The following CPPED1 variants were observed in gnomAD, a reference collection of about 807,000 sequenced individuals.
CPPED1 encodes calcineurin like phosphoesterase domain containing 1.
Under a neutral mutation model 28.0 loss-of-function variants are expected in CPPED1, and 28 were observed. The observed-to-expected ratio is 1.00, with a 90% confidence interval of 0.74 to 1.37. CPPED1 has a LOEUF of 1.37. Among genes scored for constraint, CPPED1 ranks in the 40% most tolerant of loss-of-function variants. The pLI is 0.00. For missense variants in CPPED1, 504 were observed against 416.5 expected (o/e 1.21, Z -1.83); for synonymous variants, 198 against 180.2 (o/e 1.10, Z -0.79).
intron 2 of CPPED1, among the ~76,000 whole-genome samples, chr16:12,724,621 A>G (rs1188146192): frequency 6.6e-6 from 1 of 152,148 alleles, no homozygotes; most frequent in Non-Finnish European, 1.5e-5. Context: ...TATCTTATGC[A>G]AGAGATCCTT....
At chr16:12,717,714 T>C (rs1022421904) in intron 2 of CPPED1, among the ~76,000 whole-genome samples, 1 of 152,092 alleles carries the variant, frequency 6.6e-6, no homozygotes, top group Non-Finnish European at 1.5e-5. Flanking sequence ...AAATCTTGGC[T>C]CCCTACAACC....
intron 3 of CPPED1, among the ~76,000 whole-genome samples, chr16:12,703,012 C>CAAA (rs11385568): frequency 3.3e-5 from 4 of 122,126 alleles, no homozygotes; most frequent in Admixed American, 8.3e-5. Context: ...GACTCCGTCT[C>CAAA]AAAAAAAAAA....
intron 2 of CPPED1, among the ~76,000 whole-genome samples, chr16:12,749,748 T>C (rs2865632): frequency 0.75 from 113,564 of 152,082 alleles, 42,839 homozygotes; most frequent in Admixed American, 0.85. Context: ...CCACCATACC[T>C]GGCTAATTTT....
intron 2 of CPPED1, among the ~76,000 whole-genome samples, chr16:12,746,896 G>T (rs2080292444): frequency 2.0e-5 from 3 of 151,894 alleles, no homozygotes; most frequent in Non-Finnish European, 2.9e-5. Context: ...ACAATAAAGG[G>T]TTATAGCTAA....
In CPPED1 at chr16:12,733,719, A is replaced by G. The variant is rs558744968; in HGVS notation, c.290-28670T>C. ...AGTAAGATCTAGAAACATCAACACA[A>G]GCATGTTGTTTAGAACAATGGAAGT... On this transcript the variant is annotated intron_variant, in intron 2 of 3. Coordinates refer to ENST00000381774, the MANE Select transcript of CPPED1 (RefSeq NM_018340.3). Among the ~76,000 whole-genome samples the G allele has an allele frequency of 2.6e-5, 4 of 152,306 alleles. No homozygotes were observed. In the South Asian group the frequency reaches 8.3e-4, roughly 32 times the overall value.
intron 3 of CPPED1, among the ~76,000 whole-genome samples, chr16:12,669,603 T>C (rs1713476): frequency 0.91 from 138,146 of 152,236 alleles, 63,279 homozygotes; most frequent in Non-Finnish European, 0.95. Flanking sequence ...AGCTTAATAT[T>C]GCTGTGGTTT....
At chr16:12,766,294 A>AAG (rs769793209) in intron 2 of CPPED1, among the ~76,000 whole-genome samples, 10 of 135,582 alleles carry the variant, frequency 7.4e-5, no homozygotes, top group South Asian at 2.2e-4. Flanking sequence ...GAGAGAGAGA[A>AAG]AGAGAGAGAG....
Position 12,679,950 on chromosome 16 carries a change from G to A in CPPED1, c.716-14835C>T, listed in dbSNP as rs1596443057. 3.9e-5 allele frequency among the ~76,000 whole-genome samples: 6 copies of A among 152,246 alleles called. 1 individual carries two copies. In the South Asian group the frequency reaches 1.2e-3, roughly 32 times the overall value. On this transcript the variant is annotated intron_variant, in intron 3 of 3. Coordinates refer to ENST00000381774, the MANE Select transcript of CPPED1 (RefSeq NM_018340.3). The stretch of plus-strand genomic sequence containing the variant: ...AGATTAGCCAATGGAAAAGAGAAGA[G>A]ACTAAAAGTCATCACCATGCCCAGA...
intron 2 of CPPED1, among the ~76,000 whole-genome samples, chr16:12,736,918 G>A (rs1438807954): frequency 3.9e-5 from 6 of 152,122 alleles, no homozygotes; most frequent in Admixed American, 3.3e-4. Context: ...AGATGGGTGC[G>A]GTGGCTCACC....
chr16:12,705,123 T>C (rs1045768954), intron 2 of CPPED1, 74 bp from the exon 3 acceptor site: 3 of 1,416,088 alleles, frequency 2.1e-6, no homozygotes, highest in Non-Finnish European at 2.9e-6. Context: ...AAGTACTTAC[T>C]AACATAAAAT....
chr16:12,710,948 A>G (rs2080076856), intron 2 of CPPED1, among the ~76,000 whole-genome samples: 2 of 152,192 alleles, frequency 1.3e-5, no homozygotes, highest in African/African-American at 2.4e-5. Context: ...CAAAAATTAA[A>G]CGTAGGATTA....
At chr16:12,796,980 T>C (rs916790088) in intron 1 of CPPED1, among the ~76,000 whole-genome samples, 1 of 152,202 alleles carries the variant, frequency 6.6e-6, no homozygotes, top group African/African-American at 2.4e-5. Flanking sequence ...AGAAACCTTA[T>C]GCTACCACAA....
chr16:12,775,609 T>C (rs923925843), intron 2 of CPPED1, among the ~76,000 whole-genome samples: 2 of 152,222 alleles, frequency 1.3e-5, no homozygotes, highest in Non-Finnish European at 2.9e-5. Context: ...TCTGGGAATC[T>C]TGTTAAAATT....
At chr16:12,697,324 A>G (rs1430635164) in intron 3 of CPPED1, among the ~76,000 whole-genome samples, 1 of 152,172 alleles carries the variant, frequency 6.6e-6, no homozygotes, top group African/African-American at 2.4e-5. Context: ...ATACATGTGA[A>G]GCTGATCACC....
intron 1 of CPPED1, among the ~76,000 whole-genome samples, chr16:12,783,105 G>A (rs571095173): frequency 1.3e-5 from 2 of 152,270 alleles, no homozygotes; most frequent in East Asian, 1.9e-4. Context: ...TGCTGTCCTC[G>A]CACTCAGTGC....
intron 2 of CPPED1, chr16:12,753,084 G>A (rs915964775): frequency 3.3e-5 from 5 of 151,970 alleles, no homozygotes; most frequent in African/African-American, 1.2e-4. Context: ...GTGAATTTAT[G>A]ATCTAAATTT....
chr16:12,669,737 C>A (rs1414780792), intron 3 of CPPED1, among the ~76,000 whole-genome samples: 2 of 152,188 alleles, frequency 1.3e-5, no homozygotes, highest in Admixed American at 1.3e-4. Context: ...GCACTCAGAT[C>A]TGGCTTCCTA....
chr16:12,753,630 C>G (rs1039338480), intron 2 of CPPED1, among the ~76,000 whole-genome samples: 1 of 152,126 alleles, frequency 6.6e-6, no homozygotes, highest in African/African-American at 2.4e-5. Context: ...CTTCCCAAGT[C>G]TCAACAACCC....
chr16:12,672,002 G>C (rs886812663), intron 3 of CPPED1, among the ~76,000 whole-genome samples: 1 of 152,194 alleles, frequency 6.6e-6, no homozygotes, highest in Admixed American at 6.5e-5. Context: ...TTGTGTTATG[G>C]TTGCCTGCAG....
Sources: gnomAD v4.1 joint callset for allele counts (sites outside exome capture counted in the v4.1 genomes callset) on GRCh38, gnomAD v4.1.1 for gene constraint, MANE v1.5 for transcripts, NCBI Gene and HGNC (gene_info 2026-07-23, HGNC 2026-07-21) for gene names.